ACOT7: variants seen among roughly 807,000 people sequenced by gnomAD.
ACOT7 encodes acyl-CoA thioesterase 7.
ACOT7 carries 12 observed loss-of-function variants against 40.2 expected under a neutral mutation model. That is an observed-to-expected ratio of 0.30 (90% confidence interval 0.19 to 0.48). The LOEUF (loss-of-function observed/expected upper bound fraction) is 0.48, where lower values mean the gene tolerates loss of function less well. Among genes scored for constraint, ACOT7 ranks in the 20% least tolerant of loss-of-function variants. The pLI is 0.99. For missense variants in ACOT7, 395 were observed against 530.8 expected (o/e 0.74, Z 2.51); for synonymous variants, 228 against 219.5 (o/e 1.04, Z -0.34).
chr1:6,271,643 C>T (rs2148366605), intron 8 of ACOT7, among the ~76,000 whole-genome samples: 1 of 151,948 alleles, frequency 6.6e-6, no homozygotes, highest in Middle Eastern at 3.4e-3. Context: ...CCGCTGTGGC[C>T]TCTCCCAGCA....
At chr1:6,335,732 G>C (rs1641083389) in intron 3 of ACOT7, among the ~76,000 whole-genome samples, 1 of 152,222 alleles carries the variant, frequency 6.6e-6, no homozygotes, top group Admixed American at 6.5e-5. Context: ...GGCCCATTAA[G>C]AAAAGGCCTG....
At chr1:6,302,646 G>T (rs1435517913) in intron 6 of ACOT7, among the ~76,000 whole-genome samples, 2 of 152,070 alleles carry the variant, frequency 1.3e-5, no homozygotes, top group Admixed American at 1.3e-4. Context: ...TAGAGGGAAG[G>T]AAAGTGATCT....
At chr1:6,273,375 C>T (rs540872214) in intron 8 of ACOT7, among the ~76,000 whole-genome samples, 1 of 152,324 alleles carries the variant, frequency 6.6e-6, no homozygotes, top group South Asian at 2.1e-4. Context: ...TGTTCCTAAG[C>T]GCTAACCAAT....
Position 6,321,071 on chromosome 1 carries a change from G to C in ACOT7, c.626-2493C>G, listed in dbSNP as rs547554420. Among the ~76,000 whole-genome samples, 500 of 152,330 alleles carry C rather than the reference G, an allele frequency of 3.3e-3. 2 individuals are homozygous for C. Among genetic ancestry groups the C allele is most frequent in the South Asian group, 7.7e-3 (37 of 4,824 alleles). On this transcript the variant is annotated intron_variant, in intron 5 of 8. Coordinates refer to ENST00000361521, the MANE Select transcript of ACOT7 (RefSeq NM_007274.4). ...GACTCCCGCCAGGGTCTGAGCTATG[G>C]CCATGGGGAAGGGTCTTTAGTTAGA... is the stretch of plus-strand genomic sequence containing the variant.
rs903964849 is a variant in ACOT7, at chr1:6,326,968, C to A, written c.625+331G>T. Reference sequence around the variant, plus strand: ...AAAAAGAAAAGAACAAGCCACTGAGCGAACACAAGGAAAAGATACAACAAA... The same window carrying A: ...AAAAAGAAAAGAACAAGCCACTGAGAGAACACAAGGAAAAGATACAACAAA... On this transcript the variant is annotated intron_variant, in intron 5 of 8. Transcript: ENST00000361521. Among the ~76,000 whole-genome samples, 5 of 151,746 alleles carry A rather than the reference C, an allele frequency of 3.3e-5. No individual in the cohort carries two copies. In the East Asian group the frequency reaches 9.7e-4, roughly 29 times the overall value.
chr1:6,303,916 G>C (rs57107617), intron 6 of ACOT7, among the ~76,000 whole-genome samples: 16 of 152,134 alleles, frequency 1.1e-4, no homozygotes, highest in Non-Finnish European at 1.9e-4. Flanking sequence ...AAGCAGGGAA[G>C]GGGGGAGGTC....
chr1:6,307,118 T>C (rs954489682), intron 6 of ACOT7, among the ~76,000 whole-genome samples: 14 of 152,230 alleles, frequency 9.2e-5, no homozygotes, highest in African/African-American at 3.4e-4. Flanking sequence ...CGCAGAAGGT[T>C]TGACTCCCAA....
At chr1:6,387,400 G>A (rs1642458057) in intron 1 of ACOT7, among the ~76,000 whole-genome samples, 1 of 151,906 alleles carries the variant, frequency 6.6e-6, no homozygotes, top group South Asian at 2.1e-4. Context: ...ATTATCAAGG[G>A]ACTATTCAAG....
chr1:6,332,960 CT>C (rs1277502242), intron 4 of ACOT7, among the ~76,000 whole-genome samples: 3 of 152,174 alleles, frequency 2.0e-5, no homozygotes, highest in African/African-American at 7.2e-5. Flanking sequence ...AAGACAAAAG[CT>C]CATATGACAA....
chr1:6,273,768 C>T (rs567048157), intron 8 of ACOT7, among the ~76,000 whole-genome samples: 11 of 152,406 alleles, frequency 7.2e-5, no homozygotes, highest in African/African-American at 2.2e-4. Context: ...CATCCCAGGG[C>T]GAGTGCAGAG....
At chr1:6,368,433 C>T (rs1239617891) in intron 1 of ACOT7, among the ~76,000 whole-genome samples, 5 of 152,226 alleles carry the variant, frequency 3.3e-5, no homozygotes, top group Non-Finnish European at 7.3e-5. Flanking sequence ...CCAAGCTCTG[C>T]ATCCCAGGCC....
intron 1 of ACOT7, chr1:6,385,861 C>T: frequency 7.1e-7 from 1 of 1,398,938 alleles, no homozygotes; most frequent in Middle Eastern, 2.6e-4. Flanking sequence ...GCTTCCGGAA[C>T]TGGATCACAG....
At chr1:6,280,951 C>T (rs903124989) in intron 8 of ACOT7, 151 bp downstream of exon 8, 21 of 1,087,808 alleles carry the variant, frequency 1.9e-5, no homozygotes, top group Admixed American at 6.9e-5. Flanking sequence ...CCGAGGTCAC[C>T]GGTCACGGCA....
At chr1:6,368,789 G>A (rs1022118707) in intron 1 of ACOT7, among the ~76,000 whole-genome samples, 1 of 152,160 alleles carries the variant, frequency 6.6e-6, no homozygotes, top group Non-Finnish European at 1.5e-5. Context: ...GGGGAATGCA[G>A]GGCACAGGGG....
At chr1:6,305,145 G>A (rs1193377198) in intron 6 of ACOT7, among the ~76,000 whole-genome samples, 3 of 149,604 alleles carry the variant, frequency 2.0e-5, no homozygotes, top group African/African-American at 5.0e-5. Flanking sequence ...CAGTAGGGGC[G>A]GCCGGGCAGA....
intron 1 of ACOT7, chr1:6,385,723 C>A (rs1341191928): frequency 6.4e-7 from 1 of 1,561,590 alleles, no homozygotes; most frequent in Non-Finnish European, 8.7e-7. Flanking sequence ...CCAGCAGAGC[C>A]CAAGCCTGTG....
intron 1 of ACOT7, among the ~76,000 whole-genome samples, chr1:6,372,219 C>A (rs1340526575): frequency 6.6e-6 from 1 of 152,194 alleles, no homozygotes; most frequent in Non-Finnish European, 1.5e-5. Context: ...GTTAGCTTCA[C>A]GCTTTTCCTC....
intron 1 of ACOT7, among the ~76,000 whole-genome samples, chr1:6,375,180 G>T (rs758642458): frequency 6.6e-6 from 1 of 151,088 alleles, no homozygotes; most frequent in African/African-American, 2.4e-5. Context: ...GGAGAATGGC[G>T]GGAACCCAGG....
At chr1:6,356,206 C>T (rs1641739187) in intron 1 of ACOT7, among the ~76,000 whole-genome samples, 1 of 152,120 alleles carries the variant, frequency 6.6e-6, no homozygotes, top group South Asian at 2.1e-4. Context: ...AAGGCAGAGA[C>T]GGGAGCAGCC....
Sources: allele counts gnomAD v4.1 joint callset (sites outside exome capture counted in the v4.1 genomes callset), GRCh38; gene constraint gnomAD v4.1.1; transcripts MANE v1.5; gene names NCBI Gene and HGNC (gene_info 2026-07-23, HGNC 2026-07-21).